The following MPPED2 variants were observed in gnomAD, a reference collection of about 807,000 sequenced individuals.
The protein encoded by MPPED2 is metallophosphoesterase domain containing 2.
A neutral mutation model predicts 33.0 loss-of-function variants in MPPED2; 5 were observed. The observed-to-expected ratio is 0.15, with a 90% CI of 0.08 to 0.32. The LOEUF is 0.32. Ranked by LOEUF, MPPED2 falls within the 10% of genes least tolerant of loss-of-function variation. The pLI is 1.00. For missense variants in MPPED2, 275 were observed against 372.1 expected (o/e 0.74, Z 2.15); for synonymous variants, 136 against 141.9 (o/e 0.96, Z 0.29).
At chr11:30,567,412 C>T (rs1044924469) in intron 2 of MPPED2, among the ~76,000 whole-genome samples, 2 of 152,084 alleles carry the variant, frequency 1.3e-5, no homozygotes, top group South Asian at 4.2e-4. Context: ...GTAATTTGAT[C>T]CCATCAGAGT....
chr11:30,414,129 TA>T, intron 6 of MPPED2, 98 bp downstream of exon 6: 1 of 789,104 alleles, frequency 1.3e-6, no homozygotes, highest in Non-Finnish European at 2.2e-6. Context: ...GTCCCGCTGC[TA>T]AAAAGTTTGA....
intron 4 of MPPED2, among the ~76,000 whole-genome samples, chr11:30,448,340 C>T (rs1347971536): frequency 6.6e-6 from 1 of 152,192 alleles, no homozygotes; most frequent in Non-Finnish European, 1.5e-5. Context: ...TTGAACTGGG[C>T]GCTCAGACTT....
intron 6 of MPPED2, 55 bp from the exon 7 acceptor site, chr11:30,411,641 A>T: frequency 6.8e-7 from 1 of 1,469,564 alleles, no homozygotes; most frequent in Non-Finnish European, 9.2e-7. Flanking sequence ...GAGTGATGGA[A>T]TGTAGGGCTG....
intron 1 of MPPED2, among the ~76,000 whole-genome samples, chr11:30,585,143 C>A (rs1957399856): frequency 6.6e-6 from 1 of 152,140 alleles, no homozygotes; most frequent in Admixed American, 6.5e-5. Context: ...AATTCAAAGG[C>A]TTTACAAAGA....
chr11:30,546,758 A>T (rs749712989), intron 2 of MPPED2, among the ~76,000 whole-genome samples: 17 of 152,216 alleles, frequency 1.1e-4, no homozygotes, highest in Non-Finnish European at 1.6e-4. Flanking sequence ...GACATCATTT[A>T]TGTGAGTTTG....
At chr11:30,557,557 C>A (rs963772401) in intron 2 of MPPED2, among the ~76,000 whole-genome samples, 2 of 152,144 alleles carry the variant, frequency 1.3e-5, no homozygotes, top group African/African-American at 4.8e-5. Context: ...CATGTCCATC[C>A]ATTATGATTG....
At chr11:30,510,439 A>C (rs1953098969) in intron 3 of MPPED2, among the ~76,000 whole-genome samples, 1 of 152,158 alleles carries the variant, frequency 6.6e-6, no homozygotes, top group African/African-American at 2.4e-5. Flanking sequence ...AAGGGGCTAC[A>C]TTTGCTTATC....
At chr11:30,473,552 C>T (rs761210304) in intron 4 of MPPED2, among the ~76,000 whole-genome samples, 73 of 152,058 alleles carry the variant, frequency 4.8e-4, no homozygotes, top group Non-Finnish European at 9.1e-4. Flanking sequence ...ATGTTCCCAG[C>T]GATCTCCCTG....
intron 2 of MPPED2, among the ~76,000 whole-genome samples, chr11:30,555,679 C>T (rs906329711): frequency 6.6e-6 from 1 of 152,202 alleles, no homozygotes; most frequent in African/African-American, 2.4e-5. Context: ...TCCTTCTTCA[C>T]CTTCTGTCAT....
intron 1 of MPPED2, among the ~76,000 whole-genome samples, chr11:30,585,492 G>C (rs1045028366): frequency 3.2e-4 from 48 of 152,026 alleles, no homozygotes; most frequent in Non-Finnish European, 8.8e-5. Flanking sequence ...CCCGGGGATC[G>C]GGCCAACACA....
intron 3 of MPPED2, among the ~76,000 whole-genome samples, chr11:30,516,679 T>C (rs1372438422): frequency 6.6e-6 from 1 of 152,230 alleles, no homozygotes; most frequent in Admixed American, 6.5e-5. Context: ...TGATTTTCAA[T>C]GGCACTGTAA....
chr11:30,495,587 A>G (rs1183959451), intron 3 of MPPED2, 66 bp from the exon 4 acceptor site: 2 of 1,204,876 alleles, frequency 1.7e-6, no homozygotes, highest in African/African-American at 3.0e-5. Flanking sequence ...AACAGCCGAG[A>G]CTGTGTGATT....
rs188902557 is a variant in MPPED2, at chr11:30,410,388, G to A, written c.*1080C>T. ...TGGGAAAACAGAAATGACTATTAGC[G>A]ACAATATTTTGTGCTAGCGAAGATT... is the stretch of plus-strand genomic sequence containing the variant. On this transcript the variant is annotated 3_prime_UTR_variant, in exon 7 of 7. Coordinates refer to ENST00000358117, the MANE Select transcript of MPPED2 (RefSeq NM_001584.3). 10 of 985,720 alleles carry A rather than the reference G, an allele frequency of 1.0e-5. No homozygotes were observed. The South Asian group carries it at 1.9e-4, about 19-fold the overall frequency. 61.1% of individuals were successfully genotyped at this position (985,720 alleles called of 1,614,324 possible). A position where few individuals can be genotyped will look rare whatever the true frequency, so the allele number is the denominator to read the frequency against.
Position 30,432,188 on chromosome 11 carries a change from A to T in MPPED2, c.537-14555T>A, listed in dbSNP as rs568125178. On this transcript the variant is annotated intron_variant, in intron 4 of 6. Coordinates refer to ENST00000358117, the MANE Select transcript of MPPED2 (RefSeq NM_001584.3). ...TGTCTCAAAAAAAAAAAAAAAATCC[A>T]ATTTATCAATCTCCAGGTAACCTCT... is the stretch of plus-strand genomic sequence containing the variant. 6.6e-5 allele frequency among the ~76,000 whole-genome samples: 10 copies of T among 151,698 alleles called. No homozygotes were observed. In the South Asian group the frequency reaches 8.4e-4, roughly 13 times the overall value.
intron 2 of MPPED2, among the ~76,000 whole-genome samples, chr11:30,557,530 A>G (rs986690475): frequency 6.6e-6 from 1 of 152,160 alleles, no homozygotes; most frequent in Non-Finnish European, 1.5e-5. Flanking sequence ...TATTCTTTCT[A>G]GTTATGAGAT....
At chr11:30,541,469 A>G (rs369992905) in intron 2 of MPPED2, among the ~76,000 whole-genome samples, 3 of 152,340 alleles carry the variant, frequency 2.0e-5, no homozygotes, top group East Asian at 3.9e-4. Context: ...TGTGTATACA[A>G]TCAACCTATA....
intron 4 of MPPED2, among the ~76,000 whole-genome samples, chr11:30,438,538 C>G (rs1445208284): frequency 2.0e-5 from 3 of 152,196 alleles, no homozygotes; most frequent in African/African-American, 7.2e-5. Context: ...AATCTATGTG[C>G]CATGTGCTGA....
At chr11:30,538,793 A>G (rs1316668633) in intron 2 of MPPED2, among the ~76,000 whole-genome samples, 9 of 152,140 alleles carry the variant, frequency 5.9e-5, no homozygotes, top group African/African-American at 2.2e-4. Context: ...GGGAGAATGC[A>G]CAGAAGATCG....
chr11:30,440,832 T>A (rs1397861266), intron 4 of MPPED2, among the ~76,000 whole-genome samples: 1 of 152,206 alleles, frequency 6.6e-6, no homozygotes, highest in Admixed American at 6.5e-5. Context: ...GTTACCACAA[T>A]GATGCATGCA....
Sources: allele counts gnomAD v4.1 joint callset (sites outside exome capture counted in the v4.1 genomes callset), GRCh38; gene constraint gnomAD v4.1.1; transcripts MANE v1.5; gene names NCBI Gene and HGNC (gene_info 2026-07-23, HGNC 2026-07-21).